The following LPIN2 variants were observed in gnomAD, a reference collection of about 807,000 sequenced individuals.
LPIN2 encodes the protein lipin 2.
In LPIN2, 55 loss-of-function variants were observed where a neutral mutation model predicts 111.4. That is an observed-to-expected ratio of 0.49 (90% confidence interval 0.40 to 0.62). The LOEUF is 0.62. LPIN2 is among the 20% of genes least tolerant of loss of function. The pLI is 0.00. For synonymous variants in LPIN2, 425 were observed against 414.0 expected (o/e 1.03, Z -0.32); for missense variants, 992 against 1,112.1 (o/e 0.89, Z 1.54).
chr18:2,939,521 G>C lies in LPIN2; in HGVS notation c.781C>G (p.His261Asp), dbSNP rs876660984. The C allele has an allele frequency of 6.2e-6, 10 of 1,613,924 alleles. No individual in the cohort carries two copies. The highest frequency in any genetic ancestry group is 8.5e-6 in the Non-Finnish European group (10 of 1,179,954). The change falls in exon 6 of 20, where the codon CAC becomes GAC. Residue 261 changes from histidine to aspartate, a missense_variant. His to Asp is a moderately conservative substitution (Grantham distance 81, BLOSUM62 -1). Transcript: ENST00000677752. ...AATCCGCCCCACGTCCACTCCATGT[G>C]AGACTCTGATCTGAGCAGGCTCTCC... ...PAESLLRSES[H>D]MEWTWGGFPE...
rs541139516 is a variant in LPIN2 at position 2,954,433 on chromosome 18, C to T, written c.288+71G>A. ...CAATCAACCATAAAAAACTGCTAAA[C>T]GGTCCGTCTGGGCCACGTACCAGAG... On this transcript the variant is annotated intron_variant, in intron 3 of 19. Coordinates refer to ENST00000677752, the MANE Select transcript of LPIN2 (RefSeq NM_001375808.2). 260 of 1,040,202 alleles carry T rather than the reference C, an allele frequency of 2.5e-4. No individual in the cohort carries two copies. The African/African-American group carries it at 3.3e-3, about 13-fold the overall frequency. 64.4% of individuals were successfully genotyped at this position (1,040,202 alleles called of 1,614,324 possible).
Position 2,919,896 on chromosome 18 carries a change from T to C in LPIN2, c.*397A>G, listed in dbSNP as rs2077027366. 1 of 301,676 alleles carries C rather than the reference T, an allele frequency of 3.3e-6. No homozygotes were observed. The highest frequency in any genetic ancestry group is 6.5e-6 in the Non-Finnish European group (1 of 153,026). 18.7% of individuals were successfully genotyped at this position (301,676 alleles called of 1,614,324 possible). On this transcript the variant is annotated 3_prime_UTR_variant, in exon 20 of 20. Coordinates refer to ENST00000677752, the MANE Select transcript of LPIN2 (RefSeq NM_001375808.2). ...CCTGACATCTGAAGACAGCCCTGGT[T>C]ACAGAAGCCACCTCAACTGCCCAGT...
Position 2,920,193 on chromosome 18 carries a change from C to CG in LPIN2, c.*99dup. ...GACCAGCTCCAGAAGCACCCGTCCC[C>CG]GCTGGGGAAGGCTGGTATCTGAGGT... On this transcript the variant is annotated 3_prime_UTR_variant, in exon 20 of 20. Transcript: ENST00000677752. The CG allele has an allele frequency of 1.3e-6, 2 of 1,535,718 alleles. No individual in the cohort carries two copies. Among genetic ancestry groups the CG allele is most frequent in the Non-Finnish European group, 1.8e-6 (2 of 1,114,112 alleles).
At chr18:2,940,899 A>G (rs2077359045) in intron 4 of LPIN2, among the ~76,000 whole-genome samples, 187 bp from the exon 5 acceptor site, 1 of 152,142 alleles carries the variant, frequency 6.6e-6, no homozygotes, top group Non-Finnish European at 1.5e-5. Flanking sequence ...CACCACAATC[A>G]CTATTCACAT....
chr18:2,978,508 G>C (rs1054735901), intron 1 of LPIN2, among the ~76,000 whole-genome samples: 12 of 152,314 alleles, frequency 7.9e-5, no homozygotes, highest in African/African-American at 2.4e-4. Context: ...TATCTGACCA[G>C]TGCTCATCAA....
chr18:2,946,935 G>A, intron 4 of LPIN2: 1 of 245,204 alleles, frequency 4.1e-6, no homozygotes, highest in Non-Finnish European at 8.0e-6. Context: ...TCTGTGTTCT[G>A]TGTCAGAAAC....
At chr18:2,951,714 G>T (rs2077540406) in intron 3 of LPIN2, among the ~76,000 whole-genome samples, 1 of 152,178 alleles carries the variant, frequency 6.6e-6, no homozygotes, top group Non-Finnish European at 1.5e-5. Context: ...TGTTACAAAG[G>T]ACTCTCTCAA....
At chr18:3,006,371 G>C (rs1008610744) in intron 1 of LPIN2, among the ~76,000 whole-genome samples, 1 of 152,192 alleles carries the variant, frequency 6.6e-6, no homozygotes, top group African/African-American at 2.4e-5. Context: ...AGCTAAGCCA[G>C]TTAGAAAATC....
At position 3,004,039 on chromosome 18, in the gene LPIN2, C is replaced by T. The variant is rs528719801; in HGVS notation, c.-10+9048G>A. 8.5e-4 allele frequency among the ~76,000 whole-genome samples: 130 copies of T among 152,222 alleles called. 1 individual carries two copies. In the South Asian group the frequency reaches 9.5e-3, roughly 11 times the overall value. ...TGCAGTTGAGATAAGGACTGAAATA[C>T]GCCCTGGTCTCCTACAGTACCCTCA... is the stretch of plus-strand genomic sequence containing the variant. On this transcript the variant is annotated intron_variant, in intron 1 of 19. Transcript: ENST00000677752.
intron 15 of LPIN2, among the ~76,000 whole-genome samples, 155 bp from the exon 16 acceptor site, chr18:2,924,016 C>G (rs933848916): frequency 1.3e-5 from 2 of 152,210 alleles, no homozygotes; most frequent in Non-Finnish European, 2.9e-5. Context: ...AAGGCCATCC[C>G]ATGCAAACGC....
chr18:2,939,890 T>C (rs1183810054), intron 5 of LPIN2, among the ~76,000 whole-genome samples: 3 of 152,238 alleles, frequency 2.0e-5, no homozygotes, highest in Non-Finnish European at 4.4e-5. Context: ...AGAAAGAAGA[T>C]AATTTTGTAG....
intron 1 of LPIN2, among the ~76,000 whole-genome samples, chr18:2,994,621 T>G (rs1220068653): frequency 1.3e-5 from 2 of 152,234 alleles, no homozygotes; most frequent in East Asian, 3.8e-4. Context: ...GATTTACAGC[T>G]TTTAATAGTT....
At position 2,931,291 on chromosome 18, in the gene LPIN2, C is replaced by T; in HGVS notation, c.1421G>A (p.Cys474Tyr). The change falls in exon 9 of 20, where the codon TGC becomes TAC. Residue 474 changes from cysteine (C) to tyrosine (Y), a missense_variant. By Grantham distance (194) the Cys-to-Tyr change is radical. Around this residue, in one of 4 missense-constraint regions of LPIN2, gnomAD observed 709 missense variants for 753.2 expected, o/e 0.94. Transcript: ENST00000677752. Reference sequence around the variant, plus strand: ...TTCTCCATTTTCACTGAGGCCCCCGCAAAGGGAGAGGGTAACGTCAGGCAA... The same window carrying T: ...TTCTCCATTTTCACTGAGGCCCCCGTAAAGGGAGAGGGTAACGTCAGGCAA... ...MDLPDVTLSL[C>Y]GGLSENGEIS... The T allele has an allele frequency of 6.2e-7, 1 of 1,614,178 alleles. No individual in the cohort carries two copies. The highest frequency in any genetic ancestry group is 8.5e-7 in the Non-Finnish European group (1 of 1,180,032).
chr18:2,930,364 T>C (rs2077196686), intron 9 of LPIN2, among the ~76,000 whole-genome samples: 1 of 152,180 alleles, frequency 6.6e-6, no homozygotes. Flanking sequence ...CCATTGGCCA[T>C]AACACACTTT....
At chr18:2,922,832 G>A (rs1316962384) in intron 16 of LPIN2, among the ~76,000 whole-genome samples, 2 of 152,170 alleles carry the variant, frequency 1.3e-5, no homozygotes, top group Non-Finnish European at 1.5e-5. Context: ...ATTACCCACT[G>A]TGAAGAAAAA....
chr18:2,968,831 G>A (rs558888420), intron 1 of LPIN2, among the ~76,000 whole-genome samples: 3 of 152,268 alleles, frequency 2.0e-5, no homozygotes, highest in Non-Finnish European at 2.9e-5. Flanking sequence ...TCAGGGAAGC[G>A]ACAGGATTAG....
intron 1 of LPIN2, among the ~76,000 whole-genome samples, chr18:2,968,927 G>C (rs968073594): frequency 3.9e-5 from 6 of 152,190 alleles, no homozygotes; most frequent in African/African-American, 1.2e-4. Context: ...TCAGGCAAGA[G>C]ACTGCACAGC....
At chr18:2,940,309 C>T (rs2077351131) in intron 5 of LPIN2, among the ~76,000 whole-genome samples, 1 of 152,122 alleles carries the variant, frequency 6.6e-6, no homozygotes, top group Non-Finnish European at 1.5e-5. Context: ...GCTGGGAAAA[C>T]AGAGCGAGAC....
At chr18:2,992,598 C>T (rs541862015) in intron 1 of LPIN2, among the ~76,000 whole-genome samples, 1 of 152,250 alleles carries the variant, frequency 6.6e-6, no homozygotes, top group East Asian at 1.9e-4. Flanking sequence ...CACCTGTAAT[C>T]CCAACACTTT....
Sources: allele counts gnomAD v4.1 joint callset (sites outside exome capture counted in the v4.1 genomes callset), GRCh38; gene constraint gnomAD v4.1.1; regional missense constraint gnomAD v4.1.1; transcripts MANE v1.5; gene names NCBI Gene and HGNC (gene_info 2026-07-23, HGNC 2026-07-21).